The following ALDH3B2 variants were observed in gnomAD, a reference collection of about 807,000 sequenced individuals.
ALDH3B2 encodes aldehyde dehydrogenase family 3 member B2.
ALDH3B2 carries 45 observed loss-of-function variants against 36.7 expected under a neutral mutation model. The ratio of observed to expected loss-of-function variants is 1.23; its 90% CI spans 0.97 to 1.57. The LOEUF (loss-of-function observed/expected upper bound fraction) is 1.57. Ranked by LOEUF, ALDH3B2 falls within the 40% of genes most tolerant of loss-of-function variation. ALDH3B2 has a pLI of 0.00. For synonymous variants in ALDH3B2, 217 were observed against 226.5 expected (o/e 0.96, Z 0.38); for missense variants, 464 against 513.3 (o/e 0.90, Z 0.93).
At chr11:67,667,759 C>A in intron 1 of ALDH3B2, 124 bp from the exon 2 acceptor site, 1 of 213,952 alleles carries the variant, frequency 4.7e-6, no homozygotes, top group Non-Finnish European at 9.2e-6. Flanking sequence ...ACAGACACCC[C>A]ACCTCATACA....
In ALDH3B2 at chr11:67,665,677, C is replaced by A. The variant is rs192237048; in HGVS notation, c.320-6G>T. The A allele has an allele frequency of 6.3e-7, 1 of 1,597,338 alleles. No homozygotes were observed. Among genetic ancestry groups the A allele is most frequent in the Admixed American group, 1.7e-5 (1 of 58,910 alleles). ...CTTGCCCACACGAGGGCTCCCTGGG[C>A]GTGGAAGGAAACCAGAGTGGCCAGT... On this transcript the variant is annotated splice_region_variant and splice_polypyrimidine_tract_variant and intron_variant, in intron 6 of 9. Coordinates refer to ENST00000349015, the Ensembl canonical transcript of ALDH3B2.
At chr11:67,666,806 A>G (rs1270200212) in intron 3 of ALDH3B2, 100 bp downstream of exon 3, 2 of 1,609,054 alleles carry the variant, frequency 1.2e-6, no homozygotes, top group African/African-American at 2.7e-5. Flanking sequence ...GAGACGAGAA[A>G]ATCAGTGACT....
chr11:67,663,142 G>A, exon 10 of ALDH3B2: 1 of 1,493,142 alleles, frequency 6.7e-7, no homozygotes, highest in Non-Finnish European at 9.1e-7. Context: ...GGAACAATGT[G>A]AGTTGGGAGC....
chr11:67,676,940 C>T (rs115264503), upstream of ALDH3B2, among the ~76,000 whole-genome samples: 536 of 151,918 alleles, frequency 3.5e-3, 3 homozygotes, highest in African/African-American at 0.012. Flanking sequence ...TAACAAGCAG[C>T]GGGATGGAAG....
At chr11:67,679,045 G>A (rs1463990199), upstream of ALDH3B2, among the ~76,000 whole-genome samples, 1 of 152,038 alleles carries the variant, frequency 6.6e-6, no homozygotes, top group Non-Finnish European at 1.5e-5. Context: ...AAGGGGGTGA[G>A]GGATAAAAGA....
chr11:67,664,549 C>G (rs771992616), exon 8 of ALDH3B2: 4 of 1,613,410 alleles, frequency 2.5e-6, no homozygotes, highest in Non-Finnish European at 3.4e-6. Flanking sequence ...GCACGTCCAC[C>G]AGCACCGTGG....
At chr11:67,672,681 C>T (rs1216867263) in intron 1 of ALDH3B2, among the ~76,000 whole-genome samples, 4 of 151,652 alleles carry the variant, frequency 2.6e-5, no homozygotes, top group Admixed American at 1.3e-4. Flanking sequence ...CCTCTGCCTC[C>T]CAGGTTCAAA....
chr11:67,675,335 A>T (rs571624459), upstream of ALDH3B2, among the ~76,000 whole-genome samples: 2 of 152,340 alleles, frequency 1.3e-5, no homozygotes, highest in African/African-American at 4.8e-5. Flanking sequence ...GAAAAGGCAG[A>T]TCACAGCTCC....
intron 7 of ALDH3B2, 113 bp downstream of exon 7, chr11:67,665,172 C>T: frequency 1.3e-6 from 2 of 1,505,596 alleles, no homozygotes. Flanking sequence ...AGGCCGGGCT[C>T]TGATAGTGGG....
intron 8 of ALDH3B2, chr11:67,664,088 C>T: frequency 3.6e-6 from 2 of 557,352 alleles, no homozygotes; most frequent in East Asian, 6.2e-5. Context: ...TATCAGGCCC[C>T]TGCTCTGCTC....
chr11:67,666,771 C>A (rs1855932235), intron 3 of ALDH3B2, 77 bp from the exon 4 acceptor site: 1 of 1,608,392 alleles, frequency 6.2e-7, no homozygotes, highest in African/African-American at 1.3e-5. Context: ...GGGGCCTCAG[C>A]TCCCTGTGCG....
chr11:67,674,289 C>T (rs1357052082), intron 1 of ALDH3B2, 147 bp downstream of exon 1: 1 of 152,486 alleles, frequency 6.6e-6, no homozygotes, highest in Non-Finnish European at 1.5e-5. Context: ...ACCCATGGCC[C>T]CTGCAGCCAT....
chr11:67,675,074 T>G (rs573770193), upstream of ALDH3B2, among the ~76,000 whole-genome samples: 4 of 152,192 alleles, frequency 2.6e-5, no homozygotes, highest in Non-Finnish European at 5.9e-5. Context: ...GATGAGCAAC[T>G]GTGGCTCTAT....
intron 7 of ALDH3B2, 79 bp downstream of exon 7, chr11:67,665,206 G>C: frequency 6.6e-7 from 1 of 1,521,308 alleles, no homozygotes; most frequent in Non-Finnish European, 8.8e-7. Flanking sequence ...TGCGAGTCCA[G>C]ACTCGTGGCC....
In ALDH3B2 at chr11:67,666,514, G is replaced by A. The variant is rs1207584443; in HGVS notation, c.151+60C>T. ...GGGTACCTCAGAGCAAGATTCCAGG[G>A]GCCTCTTTGGGAGGGGCTACTGGGC... On this transcript the variant is annotated intron_variant, in intron 4 of 9. Coordinates refer to ENST00000349015, the Ensembl canonical transcript of ALDH3B2. 2.5e-6 allele frequency: 4 copies of A among 1,609,562 alleles called. No homozygotes were observed. In the African/African-American group the frequency reaches 4.0e-5, roughly 16 times the overall value.
intron 1 of ALDH3B2, among the ~76,000 whole-genome samples, chr11:67,669,088 C>CGTGTGTCTTTGTGTGTCT (rs1378632369): frequency 7.8e-6 from 1 of 128,558 alleles, no homozygotes; most frequent in African/African-American, 3.0e-5. Context: ...TTCGTGTGTC[C>CGTGTGTCTTTGTGTGTCT]GTGTGTCTTT....
intron 1 of ALDH3B2, among the ~76,000 whole-genome samples, chr11:67,668,794 G>A (rs549598021): frequency 7.2e-6 from 1 of 139,120 alleles, no homozygotes; most frequent in Non-Finnish European, 1.6e-5. Flanking sequence ...GTGTGTGTCT[G>A]TGTATGTATG....
intron 1 of ALDH3B2, among the ~76,000 whole-genome samples, chr11:67,680,771 C>G (rs1856354961): frequency 1.3e-5 from 2 of 152,170 alleles, no homozygotes; most frequent in African/African-American, 4.8e-5. Context: ...CCAAGGAAAG[C>G]AGAATCATGG....
exon 2 of ALDH3B2, chr11:67,667,516 T>A (rs1855954583): frequency 2.6e-6 from 1 of 390,232 alleles, no homozygotes; most frequent in East Asian, 4.4e-5. Flanking sequence ...AAGCTGCTTG[T>A]TTTCTTGAAG....
Sources: gnomAD v4.1 joint callset for allele counts (sites outside exome capture counted in the v4.1 genomes callset) on GRCh38, gnomAD v4.1.1 for gene constraint, MANE v1.5 for transcripts, NCBI Gene and HGNC (gene_info 2026-07-23, HGNC 2026-07-21) for gene names.